The following ZNF565 variants were observed in gnomAD, a reference collection of about 807,000 sequenced individuals.
ZNF565 encodes the protein zinc finger protein 565.
In ZNF565, 27 loss-of-function variants were observed where a neutral mutation model predicts 39.4. The ratio of observed to expected loss-of-function variants is 0.69; its 90% confidence interval spans 0.51 to 0.95. The LOEUF (loss-of-function observed/expected upper bound fraction) is 0.95. Ranked by LOEUF, ZNF565 falls within the 40% of genes least tolerant of loss-of-function variation. The pLI, the probability that ZNF565 is intolerant of heterozygous loss-of-function variation, is 0.00. For synonymous variants in ZNF565, 185 were observed against 216.6 expected (o/e 0.85, Z 1.28); for missense variants, 524 against 621.1 (o/e 0.84, Z 1.66).
chr19:36,237,469 A>G, intron 1 of ZNF565: 3 of 925,350 alleles, frequency 3.2e-6, no homozygotes, highest in Non-Finnish European at 4.7e-6. Context: ...GAAAATTTGT[A>G]CTGAAGAGAA....
chr19:36,198,786 G>T (rs1975855744), intron 2 of ZNF565, among the ~76,000 whole-genome samples: 1 of 152,170 alleles, frequency 6.6e-6, no homozygotes, highest in Admixed American at 6.6e-5. Flanking sequence ...TTTTAGTAGA[G>T]ATGGGGTTTC....
chr19:36,191,318 T>C (rs530467477), intron 4 of ZNF565, among the ~76,000 whole-genome samples: 632 of 149,672 alleles, frequency 4.2e-3, no homozygotes, highest in Admixed American at 6.7e-3. Context: ...TTCTTTCTTT[T>C]TTTTTTTTTT....
chr19:36,207,997 G>A (rs966740225), intron 1 of ZNF565, among the ~76,000 whole-genome samples: 2 of 152,090 alleles, frequency 1.3e-5, no homozygotes, highest in Non-Finnish European at 2.9e-5. Flanking sequence ...AACTTAGCCT[G>A]TCCTAACCAG....
intron 1 of ZNF565, among the ~76,000 whole-genome samples, chr19:36,240,781 A>G (rs367709879): frequency 2.6e-5 from 4 of 152,112 alleles, no homozygotes; most frequent in East Asian, 1.9e-4. Flanking sequence ...AGGCAGGAGA[A>G]TTGCTCCAAC....
intron 1 of ZNF565, among the ~76,000 whole-genome samples, chr19:36,234,158 G>C (rs8101489): frequency 0.64 from 96,511 of 151,914 alleles, 30,845 homozygotes; most frequent in Middle Eastern, 0.71. Flanking sequence ...TCCATTTAAC[G>C]CTGAGTTGAC....
At chr19:36,212,305 A>C (rs748383250) in intron 1 of ZNF565, among the ~76,000 whole-genome samples, 6 of 152,118 alleles carry the variant, frequency 3.9e-5, no homozygotes, top group Non-Finnish European at 8.8e-5. Flanking sequence ...TAGGCGTGTC[A>C]AAGGAGTTAC....
rs141296440 is a variant in ZNF565 at position 36,183,329 on chromosome 19, G to T, written c.637C>A (p.His213Asn). 2.0e-5 allele frequency: 33 copies of T among 1,614,152 alleles called. No homozygotes were observed. In the African/African-American group the frequency reaches 3.9e-4, roughly 19 times the overall value. The change falls in exon 5 of 5, where the codon CAT becomes AAT. Residue 213 changes from histidine (H) to asparagine (N), a missense_variant. His to Asn is a moderately conservative substitution (Grantham distance 68, BLOSUM62 1). Coordinates refer to ENST00000304116, the MANE Select transcript of ZNF565 (RefSeq NM_152477.5). ...TTCTCACCCGTGTGAATTCTCTGAT[G>T]CTGAACAAGGTGTGAGGCACGGCTG... ...AFSRASHLVQ[H>N]QRIHTGEKPY... is the part of the protein sequence containing the mutation.
chr19:36,232,321 A>G (rs1977417750), intron 1 of ZNF565, among the ~76,000 whole-genome samples: 1 of 152,052 alleles, frequency 6.6e-6, no homozygotes, highest in Non-Finnish European at 1.5e-5. Context: ...TACTACTTAT[A>G]TAAACTTGAA....
intron 1 of ZNF565, among the ~76,000 whole-genome samples, chr19:36,223,425 C>G (rs904452733): frequency 6.6e-6 from 1 of 151,372 alleles, no homozygotes; most frequent in Non-Finnish European, 1.5e-5. Context: ...TGCAGTGGTG[C>G]GATTTCGGCT....
intron 1 of ZNF565, among the ~76,000 whole-genome samples, chr19:36,221,327 C>T (rs1410861134): frequency 8.3e-6 from 1 of 121,066 alleles, no homozygotes; most frequent in African/African-American, 3.3e-5. Flanking sequence ...CTCACTCTGT[C>T]CCCTAGGCTG....
At chr19:36,210,797 A>G (rs1976326880) in intron 1 of ZNF565, among the ~76,000 whole-genome samples, 1 of 152,032 alleles carries the variant, frequency 6.6e-6, no homozygotes, top group African/African-American at 2.4e-5. Flanking sequence ...GCTGAAAAAA[A>G]ATCATTTTCT....
chr19:36,237,504 G>T, intron 1 of ZNF565: 1 of 583,282 alleles, frequency 1.7e-6, no homozygotes, highest in Non-Finnish European at 2.8e-6. Context: ...TTAAAACCCT[G>T]TGTCCAACAG....
chr19:36,221,870 A>G (rs1002910930), intron 1 of ZNF565, among the ~76,000 whole-genome samples: 1 of 146,144 alleles, frequency 6.8e-6, no homozygotes, highest in African/African-American at 2.6e-5. Context: ...GCACCTCCCT[A>G]TATCTCACTT....
intron 1 of ZNF565, among the ~76,000 whole-genome samples, chr19:36,223,238 G>A (rs972871065): frequency 2.1e-4 from 32 of 151,146 alleles, no homozygotes; most frequent in Non-Finnish European, 4.0e-4. Context: ...TCAACATGGT[G>A]AAACCCCGTC....
intron 4 of ZNF565, 24 bp from the exon 5 acceptor site, chr19:36,183,757 T>C: frequency 1.9e-6 from 3 of 1,582,886 alleles, no homozygotes; most frequent in Non-Finnish European, 2.6e-6. Flanking sequence ...AAAAGATAAA[T>C]ACAAGCTGTG....
rs558199534 is a variant in ZNF565 at position 36,210,958 on chromosome 19, G to A, written c.-66+3664C>T. 6.2e-4 allele frequency among the ~76,000 whole-genome samples: 93 copies of A among 150,868 alleles called. No individual in the cohort carries two copies. The Middle Eastern group carries it at 0.014, about 22-fold the overall frequency. On this transcript the variant is annotated intron_variant, in intron 1 of 4. Transcript: ENST00000304116. The stretch of plus-strand genomic sequence containing the variant: ...GCCACATTGAAAGGACACAGGAATC[G>A]ACTTGAAGGGGCTCCCAGTGGCCAA...
intron 4 of ZNF565, 37 bp downstream of exon 4, chr19:36,194,196 C>G: frequency 6.4e-7 from 1 of 1,564,242 alleles, no homozygotes; most frequent in Non-Finnish European, 8.7e-7. Flanking sequence ...TCGACTCATC[C>G]AGGGACCTTC....
chr19:36,220,705 A>G (rs1007587913), intron 1 of ZNF565, among the ~76,000 whole-genome samples: 2 of 152,144 alleles, frequency 1.3e-5, no homozygotes, highest in African/African-American at 4.8e-5. Context: ...GAAACAAGTT[A>G]TAAGTACTTA....
At chr19:36,209,525 C>G (rs1367561476) in intron 1 of ZNF565, among the ~76,000 whole-genome samples, 1 of 150,796 alleles carries the variant, frequency 6.6e-6, no homozygotes, top group Non-Finnish European at 1.5e-5. Flanking sequence ...AAACAAAAAA[C>G]AAACCAACAA....
Sources: allele counts gnomAD v4.1 joint callset (sites outside exome capture counted in the v4.1 genomes callset), GRCh38; gene constraint gnomAD v4.1.1; transcripts MANE v1.5; gene names NCBI Gene and HGNC (gene_info 2026-07-23, HGNC 2026-07-21).